EPHA7: variants seen among roughly 807,000 people sequenced by gnomAD.
EPHA7 encodes EPH receptor A7.
EPHA7 carries 25 observed loss-of-function variants against 112.6 expected under a neutral mutation model. That is an observed-to-expected ratio of 0.22 (90% CI 0.16 to 0.31). The LOEUF (loss-of-function observed/expected upper bound fraction) is 0.31, where lower values mean the gene tolerates loss of function less well. EPHA7 is among the 10% of genes least tolerant of loss of function. The pLI is 1.00. For missense variants in EPHA7, 962 were observed against 1,212.6 expected, an observed-to-expected ratio of 0.79 and a Z score of 3.07; for synonymous variants, 437 against 406.5, an observed-to-expected ratio of 1.07 and a Z score of -0.90.
At chr6:93,375,120 TA>T (rs1342065488) in intron 3 of EPHA7, among the ~76,000 whole-genome samples, 8 of 152,104 alleles carry the variant, frequency 5.3e-5, no homozygotes, top group Non-Finnish European at 1.0e-4. Context: ...ATAATATCAT[TA>T]AAAAATATTC....
chr6:93,290,049 A>C (rs1772280020), intron 5 of EPHA7, among the ~76,000 whole-genome samples: 1 of 152,144 alleles, frequency 6.6e-6, no homozygotes, highest in Non-Finnish European at 1.5e-5. Context: ...TTTTCCATGT[A>C]ATAAAATGCT....
At chr6:93,266,550 A>G (rs1770949297) in intron 7 of EPHA7, among the ~76,000 whole-genome samples, 2 of 151,800 alleles carry the variant, frequency 1.3e-5, no homozygotes, top group Admixed American at 1.3e-4. Flanking sequence ...TGCTAAGGCT[A>G]TAAACAGAAT....
intron 7 of EPHA7, among the ~76,000 whole-genome samples, chr6:93,265,277 A>G (rs1402313468): frequency 6.6e-6 from 1 of 151,760 alleles, no homozygotes; most frequent in Non-Finnish European, 1.5e-5. Flanking sequence ...AAGTATGAGT[A>G]AACACATTTC....
At chr6:93,313,830 G>A (rs2127869911) in intron 5 of EPHA7, among the ~76,000 whole-genome samples, 1 of 152,098 alleles carries the variant, frequency 6.6e-6, no homozygotes, top group East Asian at 1.9e-4. Context: ...TAAGGAAGGT[G>A]GTCTTAGGCT....
intron 10 of EPHA7, among the ~76,000 whole-genome samples, chr6:93,258,924 C>CA (rs1770566571): frequency 6.6e-6 from 1 of 151,558 alleles, no homozygotes; most frequent in Non-Finnish European, 1.5e-5. Flanking sequence ...TAATTTTCTA[C>CA]ATGAATTTAA....
intron 3 of EPHA7, among the ~76,000 whole-genome samples, chr6:93,384,675 A>G (rs1387747162): frequency 6.6e-6 from 1 of 152,120 alleles, no homozygotes; most frequent in Admixed American, 6.6e-5. Context: ...TTAAACCTCA[A>G]TGCACATATT....
chr6:93,362,357 A>T (rs1028388476), intron 3 of EPHA7, among the ~76,000 whole-genome samples: 2 of 152,092 alleles, frequency 1.3e-5, no homozygotes, highest in Non-Finnish European at 2.9e-5. Context: ...TATGAAATAA[A>T]TGTAGTTTAT....
At chr6:93,316,023 C>T (rs1407055647) in intron 5 of EPHA7, among the ~76,000 whole-genome samples, 1 of 152,082 alleles carries the variant, frequency 6.6e-6, no homozygotes, top group Non-Finnish European at 1.5e-5. Flanking sequence ...AGCTAAGCTC[C>T]TATGTTTTTG....
rs140813099 is a variant in EPHA7 at position 93,414,729 on chromosome 6, C to T, written c.136G>A (p.Glu46Lys). ...LDSKAQQTELEWISSPPNGWE... is the reference protein window; with the variant it reads ...LDSKAQQTELKWISSPPNGWE... Reference sequence around the variant, plus strand: ...CCATTGGGTGGAGAGGAAATCCACTCCAACTCTGTTTGTTGTGCTTTAGAA... The same window carrying T: ...CCATTGGGTGGAGAGGAAATCCACTTCAACTCTGTTTGTTGTGCTTTAGAA... Residue 46 changes from glutamate to lysine, a missense_variant, in exon 2 of 17, where the codon GAG becomes AAG. By Grantham distance (56) the Glu-to-Lys change is moderately conservative. Around this residue, in one of 3 missense-constraint regions of EPHA7, gnomAD observed 56 missense variants for 59.9 expected, o/e 0.94. Coordinates refer to ENST00000369303, the MANE Select transcript of EPHA7 (RefSeq NM_004440.4). 6 of 1,612,474 alleles carry T rather than the reference C, an allele frequency of 3.7e-6. No individual in the cohort carries two copies. Among genetic ancestry groups the T allele is most frequent in the Non-Finnish European group, 5.1e-6 (6 of 1,179,132 alleles).
intron 3 of EPHA7, among the ~76,000 whole-genome samples, chr6:93,368,773 G>A (rs1158224140): frequency 2.0e-5 from 3 of 152,104 alleles, no homozygotes; most frequent in Non-Finnish European, 4.4e-5. Context: ...TTTTAAAAAT[G>A]ATTAAAGCAA....
chr6:93,298,236 A>G (rs928975069), intron 5 of EPHA7, among the ~76,000 whole-genome samples: 11 of 152,202 alleles, frequency 7.2e-5, no homozygotes, highest in African/African-American at 2.4e-4. Context: ...TACTGAATAG[A>G]TTAGTGGGAG....
intron 5 of EPHA7, among the ~76,000 whole-genome samples, chr6:93,281,143 T>C (rs1771716797): frequency 1.3e-5 from 2 of 152,192 alleles, no homozygotes. Flanking sequence ...CTGTTTTATA[T>C]GCATGAGCTA....
chr6:93,351,883 C>A (rs906116373), intron 5 of EPHA7, among the ~76,000 whole-genome samples: 4 of 152,082 alleles, frequency 2.6e-5, no homozygotes, highest in Non-Finnish European at 5.9e-5. Flanking sequence ...TGGAATTAAG[C>A]TATTTGCTCA....
At chr6:93,401,185 A>T (rs1778422355) in intron 3 of EPHA7, among the ~76,000 whole-genome samples, 2 of 152,112 alleles carry the variant, frequency 1.3e-5, no homozygotes, top group South Asian at 4.1e-4. Context: ...GAGATAACAT[A>T]ATCATCAGCA....
intron 3 of EPHA7, among the ~76,000 whole-genome samples, chr6:93,407,560 C>A (rs1778781275): frequency 6.6e-6 from 1 of 151,998 alleles, no homozygotes; most frequent in Admixed American, 6.6e-5. Flanking sequence ...ATGTCATAAG[C>A]AATTTACTTG....
In EPHA7 at chr6:93,283,017, G is replaced by GCT. The variant is rs768324419; in HGVS notation, c.1325-10597_1325-10596dup. ...GAGCAGGGCGCGGGACTGGCAGGCA[G>GCT]CTCCACCTGCGGCCCCGGTGCGGGA... On this transcript the variant is annotated intron_variant, in intron 5 of 16. Transcript: ENST00000369303. 7.5e-4 allele frequency among the ~76,000 whole-genome samples: 114 copies of GCT among 152,346 alleles called. 1 individual carries two copies. The highest frequency in any genetic ancestry group is 1.0e-3 in the Non-Finnish European group (68 of 68,034).
At chr6:93,417,686 T>C (rs968828550) in intron 1 of EPHA7, among the ~76,000 whole-genome samples, 2 of 152,116 alleles carry the variant, frequency 1.3e-5, no homozygotes, top group Non-Finnish European at 2.9e-5. Flanking sequence ...AATCACAGTA[T>C]GCCAGGGCTG....
intron 5 of EPHA7, among the ~76,000 whole-genome samples, chr6:93,281,663 T>C (rs1183173287): frequency 6.6e-6 from 1 of 152,128 alleles, no homozygotes; most frequent in Non-Finnish European, 1.5e-5. Flanking sequence ...GTTGTGCACA[T>C]TTTCTTTGAC....
At chr6:93,327,616 AG>A (rs1372077835) in intron 5 of EPHA7, among the ~76,000 whole-genome samples, 1 of 151,522 alleles carries the variant, frequency 6.6e-6, no homozygotes, top group African/African-American at 2.4e-5. Flanking sequence ...AAAGTTGCAT[AG>A]GTTTAAAATA....
Sources: gnomAD v4.1 joint callset for allele counts (sites outside exome capture counted in the v4.1 genomes callset) on GRCh38, gnomAD v4.1.1 for gene constraint, gnomAD v4.1.1 regional missense constraint, MANE v1.5 for transcripts, NCBI Gene and HGNC (gene_info 2026-07-23, HGNC 2026-07-21) for gene names.